Variants in WWC2 observed in about 807,000 individuals in gnomAD.
The protein encoded by WWC2 is WW and C2 domain containing 2.
WWC2 carries 101 observed loss-of-function variants against 138.5 expected under a neutral mutation model. That is an observed-to-expected ratio of 0.73 (90% confidence interval 0.62 to 0.86). The LOEUF is 0.86. Ranked by LOEUF, WWC2 falls within the 40% of genes least tolerant of loss-of-function variation. The pLI, the probability that WWC2 is intolerant of heterozygous loss-of-function variation, is 0.00. For missense variants in WWC2, 1,420 were observed against 1,419.4 expected (o/e 1.00, Z -0.01); for synonymous variants, 558 against 538.4 (o/e 1.04, Z -0.50).
At chr4:183,254,129 C>CT in intron 9 of WWC2, 130 bp downstream of exon 9, 1 of 1,384,738 alleles carries the variant, frequency 7.2e-7, no homozygotes, top group Non-Finnish European at 9.6e-7. Flanking sequence ...CACAAATGGA[C>CT]TTTCTGTAGA....
intron 1 of WWC2, among the ~76,000 whole-genome samples, chr4:183,139,632 T>C (rs1448324584): frequency 6.6e-6 from 1 of 152,144 alleles, no homozygotes; most frequent in East Asian, 1.9e-4. Flanking sequence ...GAGTGAGAAA[T>C]AAACTTTGCT....
intron 4 of WWC2, among the ~76,000 whole-genome samples, chr4:183,224,691 G>T (rs1310834886): frequency 3.9e-5 from 6 of 152,142 alleles, no homozygotes; most frequent in Admixed American, 3.3e-4. Context: ...CTCCCGAGTA[G>T]CTGAGATTAC....
At chr4:183,226,921 C>A (rs1580078815) in intron 4 of WWC2, among the ~76,000 whole-genome samples, 1 of 152,014 alleles carries the variant, frequency 6.6e-6, no homozygotes, top group East Asian at 1.9e-4. Flanking sequence ...GAATAGTAAG[C>A]AGAACACTAA....
rs1212983842 is a variant in WWC2, at chr4:183,317,348, C to A, written c.*1619C>A. 1.3e-5 allele frequency: 2 copies of A among 152,402 alleles called. No homozygotes were observed. The highest frequency in any genetic ancestry group is 4.8e-5 in the African/African-American group (2 of 41,458). 9.4% of individuals were successfully genotyped at this position (152,402 alleles called of 1,614,324 possible). A position where few individuals can be genotyped will look rare whatever the true frequency, so the allele number is the denominator to read the frequency against. On this transcript the variant is annotated 3_prime_UTR_variant, in exon 23 of 23. Transcript: ENST00000403733. ...AATTACTTTTTCCTAAATGTCCCAA[C>A]ACTTACATACAAATTTCTTTGAAGA...
intron 9 of WWC2, among the ~76,000 whole-genome samples, chr4:183,258,086 G>A (rs1174459587): frequency 6.6e-6 from 1 of 152,162 alleles, no homozygotes; most frequent in Admixed American, 6.5e-5. Context: ...CCTCCTGAAA[G>A]CATTAGAAAA....
intron 1 of WWC2, among the ~76,000 whole-genome samples, chr4:183,152,500 TA>T (rs1007359217): frequency 1.6e-5 from 2 of 124,920 alleles, no homozygotes; most frequent in Non-Finnish European, 3.4e-5. Context: ...CCCTGCCTCT[TA>T]AAAAAAAGAA....
At chr4:183,248,652 G>A in intron 6 of WWC2, 62 bp from the exon 7 acceptor site, 14 of 1,459,146 alleles carry the variant, frequency 9.6e-6, no homozygotes, top group South Asian at 7.1e-5. Flanking sequence ...ATTTCACCTG[G>A]TAGGGAAGGT....
rs564932682 is a variant in WWC2 at position 183,310,845 on chromosome 4, A to AAC, written c.3385-1495_3385-1494insCA. Among the ~76,000 whole-genome samples, 13 of 151,562 alleles carry AAC rather than the reference A, an allele frequency of 8.6e-5. No individual in the cohort carries two copies. In the South Asian group the frequency reaches 2.7e-3, roughly 32 times the overall value. ...CCTGGCATATTGTAAAAAAAAAAAA[A>AAC]AAAAAAGCAACAGTAATAGCTTCAT... On this transcript the variant is annotated intron_variant, in intron 21 of 22. Coordinates refer to ENST00000403733, the MANE Select transcript of WWC2 (RefSeq NM_024949.6).
chr4:183,310,501 G>A (rs1391527146), intron 21 of WWC2, among the ~76,000 whole-genome samples: 2 of 151,862 alleles, frequency 1.3e-5, no homozygotes, highest in African/African-American at 4.8e-5. Context: ...GTCTTCACCT[G>A]TTTGTTTGTT....
intron 4 of WWC2, among the ~76,000 whole-genome samples, chr4:183,229,977 A>C (rs1002992857): frequency 6.6e-6 from 1 of 152,048 alleles, no homozygotes; most frequent in African/African-American, 2.4e-5. Flanking sequence ...GGTGCACTCC[A>C]TCACAACCTG....
chr4:183,276,110 TTGTC>T (rs1198053358), intron 16 of WWC2, among the ~76,000 whole-genome samples: 13 of 152,170 alleles, frequency 8.5e-5, no homozygotes, highest in South Asian at 2.1e-4. Context: ...AAAATCTACT[TTGTC>T]TGGTGTTAGT....
chr4:183,121,537 G>A (rs1256276905), intron 1 of WWC2, among the ~76,000 whole-genome samples: 1 of 152,074 alleles, frequency 6.6e-6, no homozygotes, highest in Non-Finnish European at 1.5e-5. Context: ...TCTAATAGAG[G>A]TGGGTCAGAG....
chr4:183,290,146 T>C (rs1738397201), intron 21 of WWC2, among the ~76,000 whole-genome samples: 1 of 152,212 alleles, frequency 6.6e-6, no homozygotes, highest in South Asian at 2.1e-4. Flanking sequence ...AATTACATTT[T>C]GCTTATTGAC....
chr4:183,166,281 G>A (rs1252177773), intron 1 of WWC2, among the ~76,000 whole-genome samples: 2 of 151,958 alleles, frequency 1.3e-5, no homozygotes, highest in African/African-American at 2.4e-5. Flanking sequence ...GTCTGCTGTA[G>A]CCCGTGGCAT....
intron 1 of WWC2, among the ~76,000 whole-genome samples, chr4:183,168,830 A>AT (rs1290121349): frequency 6.6e-6 from 1 of 152,156 alleles, no homozygotes; most frequent in Non-Finnish European, 1.5e-5. Context: ...ATGAAATGTC[A>AT]TTTTATGGCA....
intron 1 of WWC2, among the ~76,000 whole-genome samples, chr4:183,192,414 C>G (rs1301998972): frequency 6.6e-6 from 1 of 152,162 alleles, no homozygotes. Context: ...TTTGGAAGGC[C>G]AGTGTCTTCT....
In WWC2 at chr4:183,317,361, AT is replaced by A. The variant is rs1739474276; in HGVS notation, c.*1635del. 6.6e-6 allele frequency: 1 copy of A among 152,506 alleles called. No individual in the cohort carries two copies. The highest frequency in any genetic ancestry group is 1.5e-5 in the Non-Finnish European group (1 of 68,028). The allele number at this position is 152,506 out of a possible 1,614,324, so 9.4% of individuals were successfully genotyped here. On this transcript the variant is annotated 3_prime_UTR_variant, in exon 23 of 23. Coordinates refer to ENST00000403733, the MANE Select transcript of WWC2 (RefSeq NM_024949.6). The stretch of plus-strand genomic sequence containing the variant: ...TAAATGTCCCAACACTTACATACAA[AT>A]TTCTTTGAAGACATAACTGGACATG...
chr4:183,123,657 C>T (rs1732673144), intron 1 of WWC2, among the ~76,000 whole-genome samples: 1 of 151,914 alleles, frequency 6.6e-6, no homozygotes, highest in Non-Finnish European at 1.5e-5. Context: ...TTTCTTAAAT[C>T]TTGGTGTTAT....
At chr4:183,297,792 G>A (rs376375278) in intron 21 of WWC2, among the ~76,000 whole-genome samples, 34 of 152,350 alleles carry the variant, frequency 2.2e-4, no homozygotes, top group South Asian at 1.2e-3. Flanking sequence ...GGAGATGGCC[G>A]CTAGTGTGCT....
Sources: gnomAD v4.1 joint callset for allele counts (sites outside exome capture counted in the v4.1 genomes callset) on GRCh38, gnomAD v4.1.1 for gene constraint, MANE v1.5 for transcripts, NCBI Gene and HGNC (gene_info 2026-07-23, HGNC 2026-07-21) for gene names.